The following ACADM variants were observed in gnomAD, a reference collection of about 807,000 sequenced individuals.
ACADM encodes the protein medium-chain specific acyl-CoA dehydrogenase, mitochondrial.
ACADM carries 49 observed loss-of-function variants against 58.9 expected under a neutral mutation model. The observed-to-expected ratio is 0.83, with a 90% CI of 0.66 to 1.06. ACADM has a LOEUF of 1.06. Among genes scored for constraint, ACADM ranks in the 50% least tolerant of loss-of-function variants. The pLI is 0.00. For missense variants in ACADM, 496 were observed against 507.0 expected (o/e 0.98, Z 0.21); for synonymous variants, 160 against 157.7 (o/e 1.01, Z -0.11).
At chr1:75,726,624 TA>T (rs1456186560) in intron 1 of ACADM, among the ~76,000 whole-genome samples, 1 of 152,136 alleles carries the variant, frequency 6.6e-6, no homozygotes, top group Non-Finnish European at 1.5e-5. Flanking sequence ...TGACTTTGCC[TA>T]ATTTAGTTGA....
At chr1:75,737,394 A>G (rs1170080583) in intron 6 of ACADM, among the ~76,000 whole-genome samples, 1 of 148,846 alleles carries the variant, frequency 6.7e-6, no homozygotes, top group Non-Finnish European at 1.5e-5. Context: ...GCCATTTTGT[A>G]TAGAAAAAAA....
Position 75,761,179 on chromosome 1 carries a change from A to G in ACADM, c.1003A>G (p.Met335Val), listed in dbSNP as rs1570909987. 6.2e-7 allele frequency: 1 copy of G among 1,614,190 alleles called. No individual in the cohort carries two copies. The highest frequency in any genetic ancestry group is 8.5e-7 in the Non-Finnish European group (1 of 1,179,988). Residue 335 changes from methionine to valine, a missense_variant, in exon 11 of 12, where the codon ATG becomes GTG. Transcript: ENST00000370841. Reference protein sequence around the residue: ...EMAMKVELARMSYQRAAWEVD... With the variant: ...EMAMKVELARVSYQRAAWEVD... Reference sequence around the variant, plus strand: ...GGCAATGAAAGTTGAACTAGCTAGAATGAGTTACCAGAGAGCAGCTTGGGA... The same window carrying G: ...GGCAATGAAAGTTGAACTAGCTAGAGTGAGTTACCAGAGAGCAGCTTGGGA...
intron 11 of ACADM, 22 bp from the exon 12 acceptor site, chr1:75,762,670 T>G: frequency 6.8e-7 from 1 of 1,473,888 alleles, no homozygotes; most frequent in African/African-American, 1.4e-5. Flanking sequence ...ATATTTAACC[T>G]ACACTTATAT....
intron 10 of ACADM, among the ~76,000 whole-genome samples, chr1:75,758,983 G>C (rs952356654): frequency 9.9e-5 from 15 of 152,110 alleles, no homozygotes; most frequent in African/African-American, 3.6e-4. Flanking sequence ...TACTCTTTGG[G>C]TCCACACCAC....
chr1:75,756,253 T>C (rs751377427), intron 10 of ACADM, among the ~76,000 whole-genome samples: 1 of 152,198 alleles, frequency 6.6e-6, no homozygotes, highest in Non-Finnish European at 1.5e-5. Context: ...GGTATTCAGT[T>C]AGGAAAAGAG....
intron 7 of ACADM, chr1:75,743,307 A>T: frequency 8.2e-7 from 1 of 1,213,136 alleles, no homozygotes; most frequent in Non-Finnish European, 1.2e-6. Context: ...TCCTTGCTTG[A>T]GGCCAACAGC....
intron 4 of ACADM, 150 bp from the exon 5 acceptor site, chr1:75,733,378 T>A: frequency 2.0e-6 from 2 of 975,816 alleles, no homozygotes; most frequent in Non-Finnish European, 3.0e-6. Context: ...AATTTCTTAT[T>A]GTGCCAGCCA....
chr1:75,745,195 T>A (rs773612081), intron 7 of ACADM, among the ~76,000 whole-genome samples: 1 of 152,150 alleles, frequency 6.6e-6, no homozygotes, highest in Admixed American at 6.5e-5. Flanking sequence ...TAATAAGTTA[T>A]GTAAATGTAG....
At chr1:75,733,719 A>G (rs1647191072) in intron 5 of ACADM, 91 bp downstream of exon 5, 1 of 1,096,146 alleles carries the variant, frequency 9.1e-7, no homozygotes, top group Non-Finnish European at 1.4e-6. Flanking sequence ...AGAAAAAAAA[A>G]GGAAAGTCAG....
intron 10 of ACADM, among the ~76,000 whole-genome samples, chr1:75,751,808 C>T (rs562736007): frequency 1.2e-4 from 18 of 152,112 alleles, no homozygotes; most frequent in African/African-American, 4.3e-4. Context: ...CTATGTTATA[C>T]TCTTAATTCT....
intron 6 of ACADM, among the ~76,000 whole-genome samples, chr1:75,736,161 CACACACAGACAT>C (rs1557447517): frequency 9.0e-6 from 1 of 110,782 alleles, no homozygotes; most frequent in African/African-American, 3.4e-5. Flanking sequence ...AAGATAAATA[CACACACAGACAT>C]ACACACACAC....
In ACADM at chr1:75,762,785, G is replaced by T; in HGVS notation, c.*22G>T. 1 of 1,415,466 alleles carries T rather than the reference G, an allele frequency of 7.1e-7. No homozygotes were observed. Among genetic ancestry groups the T allele is most frequent in the South Asian group, 1.2e-5 (1 of 85,350 alleles). 87.7% of individuals were successfully genotyped at this position (1,415,466 alleles called of 1,614,324 possible). On this transcript the variant is annotated 3_prime_UTR_variant, in exon 12 of 12. Transcript: ENST00000370841. ...TTAAAAAAATTACTGTAGAAATATT[G>T]AATAACTAGAACACAAGCCACTGTT...
chr1:75,744,749 G>C, intron 7 of ACADM: 1 of 715,422 alleles, frequency 1.4e-6, no homozygotes, highest in South Asian at 1.4e-5. Flanking sequence ...CTGAACGCCC[G>C]GGACACAGTG....
intron 10 of ACADM, among the ~76,000 whole-genome samples, chr1:75,753,503 A>T (rs1213385965): frequency 4.0e-5 from 6 of 151,110 alleles, no homozygotes; most frequent in Non-Finnish European, 5.9e-5. Flanking sequence ...ATGTTAGTTT[A>T]TCTTATTCAT....
chr1:75,737,244 A>G (rs1647299043), intron 6 of ACADM, among the ~76,000 whole-genome samples: 2 of 136,306 alleles, frequency 1.5e-5, no homozygotes, highest in African/African-American at 2.7e-5. Context: ...ACCAGCCTGG[A>G]CAACGTTGAG....
intron 10 of ACADM, among the ~76,000 whole-genome samples, chr1:75,756,173 C>T (rs1648495725): frequency 6.6e-6 from 1 of 152,204 alleles, no homozygotes; most frequent in Non-Finnish European, 1.5e-5. Flanking sequence ...GATACCTTCT[C>T]TCACCACTCC....
chr1:75,760,302 C>T (rs1166976301), intron 10 of ACADM, among the ~76,000 whole-genome samples: 1 of 141,956 alleles, frequency 7.0e-6, no homozygotes, highest in Non-Finnish European at 1.5e-5. Context: ...TGGTGGCACA[C>T]GCCCAGCTAC....
Position 75,739,960 on chromosome 1 carries a change from CTT to C in ACADM, c.469-19_469-18del, listed in dbSNP as rs746279496. 91 of 1,572,924 alleles carry C rather than the reference CTT, an allele frequency of 5.8e-5. No homozygotes were observed. The highest frequency in any genetic ancestry group is 1.7e-4 in the Middle Eastern group (1 of 5,922). On this transcript the variant is annotated intron_variant, in intron 6 of 11. Transcript: ENST00000370841. ...ATCACTAACATTTAATTTCATTTCT[CTT>C]GTTTTTATATATTCAAGGCTTATTG...
At chr1:75,747,087 C>G (rs1360937722) in intron 8 of ACADM, among the ~76,000 whole-genome samples, 2 of 152,104 alleles carry the variant, frequency 1.3e-5, no homozygotes, top group Non-Finnish European at 2.9e-5. Context: ...GTGCTTTTCC[C>G]AAGAAATTGT....
Sources: gnomAD v4.1 joint callset for allele counts (sites outside exome capture counted in the v4.1 genomes callset) on GRCh38, gnomAD v4.1.1 for gene constraint, MANE v1.5 for transcripts, NCBI Gene and HGNC (gene_info 2026-07-23, HGNC 2026-07-21) for gene names.